The following FAM168A variants were observed in gnomAD, a reference collection of about 807,000 sequenced individuals.
The protein encoded by FAM168A is family with sequence similarity 168 member A.
In FAM168A, 3 loss-of-function variants were observed where a neutral mutation model predicts 28.5. The ratio of observed to expected loss-of-function variants is 0.11; its 90% CI spans 0.05 to 0.27. The LOEUF (loss-of-function observed/expected upper bound fraction) is 0.27, where lower values mean the gene tolerates loss of function less well. Ranked by LOEUF, FAM168A falls within the 10% of genes least tolerant of loss-of-function variation. The probability of loss-of-function intolerance (pLI) is 1.00; values close to 1 mark genes in which losing one functional copy is unlikely to be tolerated. For missense variants in FAM168A, 222 were observed against 311.5 expected, an observed-to-expected ratio of 0.71 and a Z score of 2.16; for synonymous variants, 122 against 124.2, an observed-to-expected ratio of 0.98 and a Z score of 0.12.
chr11:73,580,750 A>G (rs1944232937), intron 1 of FAM168A, among the ~76,000 whole-genome samples: 1 of 152,198 alleles, frequency 6.6e-6, no homozygotes, highest in African/African-American at 2.4e-5. Flanking sequence ...TCCAGTTTTG[A>G]GAGACTTCCT....
At chr11:73,442,339 G>C (rs1041080712) in intron 2 of FAM168A, among the ~76,000 whole-genome samples, 21 of 151,884 alleles carry the variant, frequency 1.4e-4, no homozygotes, top group African/African-American at 4.8e-4. Context: ...TGTTAGCCAG[G>C]ATGGTCTCGA....
intron 2 of FAM168A, among the ~76,000 whole-genome samples, chr11:73,442,593 A>C (rs1867216494): frequency 6.6e-6 from 1 of 151,948 alleles, no homozygotes; most frequent in African/African-American, 2.4e-5. Context: ...TGAATTTCTC[A>C]AATTTCTTTC....
chr11:73,422,085 AG>A (rs1345700856), intron 3 of FAM168A, among the ~76,000 whole-genome samples: 1 of 152,190 alleles, frequency 6.6e-6, no homozygotes, highest in Non-Finnish European at 1.5e-5. Context: ...CCACGGTGGA[AG>A]GGAACACACG....
intron 1 of FAM168A, among the ~76,000 whole-genome samples, chr11:73,586,223 T>C (rs1367020743): frequency 6.6e-6 from 1 of 152,210 alleles, no homozygotes; most frequent in Admixed American, 6.5e-5. Flanking sequence ...TAGTCACTTA[T>C]TGGCTGATGG....
intron 2 of FAM168A, among the ~76,000 whole-genome samples, chr11:73,442,226 C>T (rs1197683209): frequency 1.3e-5 from 2 of 151,392 alleles, no homozygotes; most frequent in Middle Eastern, 3.2e-3. Flanking sequence ...CCCGGATTCA[C>T]GCCATTCTCC....
chr11:73,543,873 A>G (rs1943690063), intron 1 of FAM168A, among the ~76,000 whole-genome samples: 1 of 152,208 alleles, frequency 6.6e-6, no homozygotes, highest in South Asian at 2.1e-4. Context: ...TCACATCTAT[A>G]ATCCCAGCAC....
At chr11:73,564,943 G>C (rs1944004949) in intron 1 of FAM168A, among the ~76,000 whole-genome samples, 1 of 151,676 alleles carries the variant, frequency 6.6e-6, no homozygotes, top group South Asian at 2.1e-4. Flanking sequence ...TAGTCCTGAA[G>C]AAAAAGGGTC....
chr11:73,420,039 G>T (rs771420940), intron 3 of FAM168A, 40 bp from the exon 4 acceptor site: 1 of 1,608,256 alleles, frequency 6.2e-7, no homozygotes, highest in Admixed American at 1.7e-5. Flanking sequence ...ACAGAAATAA[G>T]AAGTGGCCAC....
intron 2 of FAM168A, among the ~76,000 whole-genome samples, chr11:73,464,522 T>C (rs1405921034): frequency 6.6e-6 from 1 of 152,180 alleles, no homozygotes; most frequent in Non-Finnish European, 1.5e-5. Context: ...GAAAGAGCTC[T>C]TGAACTGGAG....
intron 1 of FAM168A, among the ~76,000 whole-genome samples, chr11:73,557,010 C>T (rs1022928739): frequency 2.7e-5 from 4 of 150,464 alleles, no homozygotes; most frequent in East Asian, 1.9e-4. Context: ...GTCTGGGCAA[C>T]GGAGCAAGAC....
intron 1 of FAM168A, chr11:73,510,860 T>C (rs1311632449): frequency 3.1e-6 from 1 of 322,192 alleles, no homozygotes; most frequent in Non-Finnish European, 5.7e-6. Flanking sequence ...AGCTGCTGAA[T>C]TCAATGGAAG....
intron 1 of FAM168A, among the ~76,000 whole-genome samples, chr11:73,570,640 G>A (rs1335887568): frequency 6.6e-6 from 1 of 151,266 alleles, no homozygotes; most frequent in Non-Finnish European, 1.5e-5. Flanking sequence ...AGGCTCAAGT[G>A]TAGAGATCAC....
chr11:73,529,361 C>G (rs1943488059), intron 1 of FAM168A, among the ~76,000 whole-genome samples: 1 of 152,164 alleles, frequency 6.6e-6, no homozygotes, highest in Non-Finnish European at 1.5e-5. Context: ...CCTTTCTGAG[C>G]CTCAGTTTCA....
chr11:73,440,083 G>A (rs1374980237), intron 2 of FAM168A, among the ~76,000 whole-genome samples: 11 of 151,666 alleles, frequency 7.3e-5, no homozygotes, highest in East Asian at 5.8e-4. Flanking sequence ...ACGGGGTTTC[G>A]CCATGTTGGC....
At chr11:73,418,359 C>CCT (rs1866731123) in intron 4 of FAM168A, among the ~76,000 whole-genome samples, 1 of 152,158 alleles carries the variant, frequency 6.6e-6, no homozygotes, top group Non-Finnish European at 1.5e-5. Flanking sequence ...CCCCTTGCTC[C>CCT]CTCTCTCACC....
chr11:73,504,514 C>T (rs947758110), intron 1 of FAM168A, among the ~76,000 whole-genome samples: 8 of 151,996 alleles, frequency 5.3e-5, no homozygotes, highest in Non-Finnish European at 1.0e-4. Context: ...CAGATGCTGG[C>T]GAGGCTGTGG....
intron 1 of FAM168A, among the ~76,000 whole-genome samples, chr11:73,478,108 T>A (rs2134589653): frequency 6.6e-6 from 1 of 152,316 alleles, no homozygotes; most frequent in South Asian, 2.1e-4. Context: ...TAAGGAAGTA[T>A]GGGAATGCTG....
In FAM168A at chr11:73,407,499, C is replaced by T. The variant is rs960626941; in HGVS notation, c.*18+14G>A. On this transcript the variant is annotated intron_variant, in intron 7 of 7. Transcript: ENST00000356467. ...GTATCCCCCTCCCACTTCTCTCACC[C>T]TGGCCACACTCACTTGGATGGGCTG... The T allele has an allele frequency of 6.5e-7, 1 of 1,528,450 alleles. No individual in the cohort carries two copies. The highest frequency in any genetic ancestry group is 1.4e-5 in the African/African-American group (1 of 69,824). 94.7% of individuals were successfully genotyped at this position (1,528,450 alleles called of 1,614,324 possible). A position where few individuals can be genotyped will look rare whatever the true frequency, so the allele number is the denominator to read the frequency against.
chr11:73,514,471 T>C (rs1187689490), intron 1 of FAM168A, among the ~76,000 whole-genome samples: 1 of 152,210 alleles, frequency 6.6e-6, no homozygotes, highest in Non-Finnish European at 1.5e-5. Flanking sequence ...GAACAGTTAA[T>C]TGTTTCTCTA....
Sources: allele counts gnomAD v4.1 joint callset (sites outside exome capture counted in the v4.1 genomes callset), GRCh38; gene constraint gnomAD v4.1.1; transcripts MANE v1.5; gene names NCBI Gene and HGNC (gene_info 2026-07-23, HGNC 2026-07-21).